The following DPP6 variants were observed in gnomAD, a reference collection of about 807,000 sequenced individuals.
DPP6 encodes dipeptidyl peptidase like 6.
In DPP6, 69 loss-of-function variants were observed where a neutral mutation model predicts 122.6. That is an observed-to-expected ratio of 0.56 (90% CI 0.46 to 0.69). DPP6 has a LOEUF of 0.69. Among genes scored for constraint, DPP6 ranks in the 30% least tolerant of loss-of-function variants. The probability of loss-of-function intolerance (pLI) is 0.00; values close to 1 mark genes in which losing one functional copy is unlikely to be tolerated. For missense variants in DPP6, 928 were observed against 1,116.9 expected (o/e 0.83, Z 2.41); for synonymous variants, 418 against 433.1 (o/e 0.97, Z 0.43).
At chr7:154,012,293 T>C (rs949331445) in intron 1 of DPP6, among the ~76,000 whole-genome samples, 3 of 152,190 alleles carry the variant, frequency 2.0e-5, no homozygotes, top group Non-Finnish European at 2.9e-5. Flanking sequence ...CTATTAAATT[T>C]CTAGAGGAAA....
intron 3 of DPP6, among the ~76,000 whole-genome samples, chr7:154,487,990 G>A (rs1823943519): frequency 6.6e-6 from 1 of 152,162 alleles, no homozygotes; most frequent in South Asian, 2.1e-4. Context: ...TCACAGGTAT[G>A]TTGTAGTAAT....
intron 1 of DPP6, among the ~76,000 whole-genome samples, chr7:154,217,501 ATAAACT>A (rs1347887112): frequency 1.3e-5 from 2 of 152,366 alleles, no homozygotes; most frequent in East Asian, 1.9e-4. Flanking sequence ...TGTATTAGAA[ATAAACT>A]TAATTATTTA....
At chr7:153,988,699 G>A (rs1009338415) in intron 1 of DPP6, among the ~76,000 whole-genome samples, 5 of 152,222 alleles carry the variant, frequency 3.3e-5, no homozygotes, top group African/African-American at 1.2e-4. Flanking sequence ...GGGGTGGGCA[G>A]GCTGGAGTTG....
At chr7:154,780,492 G>A (rs566855216) in intron 10 of DPP6, among the ~76,000 whole-genome samples, 5 of 152,282 alleles carry the variant, frequency 3.3e-5, no homozygotes, top group South Asian at 4.2e-4. Flanking sequence ...GGGATTCTGC[G>A]TCGCCATCCT....
At chr7:154,345,111 C>T (rs1810283092) in intron 1 of DPP6, among the ~76,000 whole-genome samples, 2 of 152,112 alleles carry the variant, frequency 1.3e-5, no homozygotes, top group African/African-American at 4.8e-5. Flanking sequence ...CTGAAGTTTC[C>T]TGAAGTTCTA....
chr7:153,980,030 G>A (rs1796504003), intron 1 of DPP6, among the ~76,000 whole-genome samples: 1 of 152,158 alleles, frequency 6.6e-6, no homozygotes, highest in Non-Finnish European at 1.5e-5. Context: ...TCTCTGCTAG[G>A]TTTTGGTATC....
the DPP6 span, among the ~76,000 whole-genome samples, chr7:153,754,039 A>G: frequency 2.0e-5 from 3 of 152,190 alleles, no homozygotes; most frequent in African/African-American, 7.2e-5. Flanking sequence ...CTCTACCCAC[A>G]GGAGTTTGCT....
intron 1 of DPP6, among the ~76,000 whole-genome samples, chr7:154,088,019 A>G (rs3095185): frequency 0.22 from 32,974 of 151,690 alleles, 4,103 homozygotes; most frequent in African/African-American, 0.35. Flanking sequence ...GTGTGCTGGG[A>G]TGGAGGACAG....
chr7:154,597,244 C>T (rs1323500642), intron 5 of DPP6, among the ~76,000 whole-genome samples: 2 of 151,404 alleles, frequency 1.3e-5, no homozygotes, highest in Admixed American at 1.3e-4. Context: ...ACAGTGGGGG[C>T]CAGTAGGGGA....
At chr7:153,981,071 C>G (rs1400482194) in intron 1 of DPP6, among the ~76,000 whole-genome samples, 1 of 152,052 alleles carries the variant, frequency 6.6e-6, no homozygotes, top group Non-Finnish European at 1.5e-5. Flanking sequence ...TCCACTTGGT[C>G]CAGAGCTGAG....
intron 1 of DPP6, among the ~76,000 whole-genome samples, chr7:154,271,372 C>A (rs1268631647): frequency 6.6e-6 from 1 of 152,028 alleles, no homozygotes; most frequent in Non-Finnish European, 1.5e-5. Context: ...AGAGGAAGAG[C>A]CTATTGAAAT....
intron 1 of DPP6, among the ~76,000 whole-genome samples, chr7:154,199,656 C>T (rs115416010): frequency 0.017 from 2,621 of 151,204 alleles, 91 homozygotes; most frequent in African/African-American, 0.059. Context: ...GTCACCAAGG[C>T]TAGAGTGCAG....
the DPP6 span, among the ~76,000 whole-genome samples, chr7:153,815,261 T>A: frequency 6.6e-6 from 1 of 152,176 alleles, no homozygotes; most frequent in Non-Finnish European, 1.5e-5. Flanking sequence ...TTCAGCAAAG[T>A]CTCAGGATAC....
At chr7:154,023,673 G>A (rs1798829144) in intron 1 of DPP6, among the ~76,000 whole-genome samples, 1 of 151,724 alleles carries the variant, frequency 6.6e-6, no homozygotes, top group African/African-American at 2.4e-5. Context: ...ATACAGACAG[G>A]GTTTCACCAT....
At chr7:153,984,053 A>AACACACACACACAC (rs528640069) in intron 1 of DPP6, among the ~76,000 whole-genome samples, 2 of 131,924 alleles carry the variant, frequency 1.5e-5, no homozygotes, top group East Asian at 4.7e-4. Context: ...TTCTGTCCAT[A>AACACACACACACAC]ACACACACAC....
chr7:153,776,828 G>T, the DPP6 span, among the ~76,000 whole-genome samples: 1 of 152,072 alleles, frequency 6.6e-6, no homozygotes, highest in Non-Finnish European at 1.5e-5. Context: ...TTAAAAAATT[G>T]GGAAAATATT....
intron 16 of DPP6, among the ~76,000 whole-genome samples, chr7:154,814,379 G>A (rs1413868960): frequency 6.6e-6 from 1 of 152,142 alleles, no homozygotes; most frequent in Non-Finnish European, 1.5e-5. Flanking sequence ...GGGCAGGGTT[G>A]ATTTTCATCC....
the DPP6 span, among the ~76,000 whole-genome samples, chr7:153,757,396 A>G: frequency 1.3e-5 from 2 of 152,218 alleles, no homozygotes; most frequent in Non-Finnish European, 2.9e-5. Flanking sequence ...AAAAGCTGAC[A>G]ATTCACTGGG....
intron 1 of DPP6, among the ~76,000 whole-genome samples, chr7:154,137,653 G>A (rs1352645404): frequency 1.7e-5 from 1 of 59,434 alleles, no homozygotes; most frequent in African/African-American, 6.3e-5. Context: ...GGGGGGGTGG[G>A]GGGGTGGGGG....
Sources: gnomAD v4.1 joint callset for allele counts (sites outside exome capture counted in the v4.1 genomes callset) on GRCh38, gnomAD v4.1.1 for gene constraint, MANE v1.5 for transcripts, NCBI Gene and HGNC (gene_info 2026-07-23, HGNC 2026-07-21) for gene names.